Variants in NAV3 observed in about 807,000 individuals in gnomAD.
NAV3 encodes the protein pore membrane and/or filament interacting like protein 1.
Under a neutral mutation model 244.7 loss-of-function variants are expected in NAV3, and 87 were observed. The observed-to-expected ratio is 0.36, with a 90% confidence interval of 0.30 to 0.42. NAV3 has a LOEUF of 0.42. Ranked by LOEUF, NAV3 falls within the 20% of genes least tolerant of loss-of-function variation. The pLI is 1.00. For synonymous variants in NAV3, 1,126 were observed against 1,042.2 expected (o/e 1.08, Z -1.55); for missense variants, 2,663 against 2,893.3 (o/e 0.92, Z 1.83).
In NAV3 at chr12:78,151,590, G is replaced by C. The variant is rs534605859; in HGVS notation, c.4785+2671G>C. 6.6e-4 allele frequency among the ~76,000 whole-genome samples: 101 copies of C among 152,004 alleles called. 1 individual carries two copies. Among genetic ancestry groups the C allele is most frequent in the African/African-American group, 2.3e-3 (94 of 41,526 alleles). On this transcript the variant is annotated intron_variant, in intron 22 of 39. Transcript: ENST00000397909. The stretch of plus-strand genomic sequence containing the variant: ...ACATTCCAGAAATGGCAAAATTAAA[G>C]AAACAGAGAACAGATTAGTGATTGC...
intron 5 of NAV3, among the ~76,000 whole-genome samples, chr12:77,971,466 A>G (rs929898552): frequency 6.6e-6 from 1 of 152,020 alleles, no homozygotes; most frequent in African/African-American, 2.4e-5. Context: ...ATTAATACTT[A>G]TTTTTATTTA....
chr12:77,761,317 C>G (rs950662286), intron 2 of NAV3, among the ~76,000 whole-genome samples: 6 of 152,182 alleles, frequency 3.9e-5, no homozygotes, highest in African/African-American at 1.4e-4. Context: ...TTCTAAAGTG[C>G]TTGGATTACA....
chr12:78,024,730 C>A (rs1198461572), intron 9 of NAV3, among the ~76,000 whole-genome samples: 1 of 152,132 alleles, frequency 6.6e-6, no homozygotes, highest in Non-Finnish European at 1.5e-5. Context: ...GTAATCCCAG[C>A]ACTTTGGGAG....
At chr12:77,906,362 A>G (rs1190272949) in intron 1 of NAV3, among the ~76,000 whole-genome samples, 1 of 152,112 alleles carries the variant, frequency 6.6e-6, no homozygotes, top group African/African-American at 2.4e-5. Context: ...GAGCCAGCAG[A>G]TCGCCCTTAG....
At chr12:78,057,800 C>G (rs1414318382) in intron 11 of NAV3, among the ~76,000 whole-genome samples, 2 of 152,164 alleles carry the variant, frequency 1.3e-5, no homozygotes, top group African/African-American at 2.4e-5. Context: ...GTAGTTGAAC[C>G]TAAGCAGTCT....
rs143085807 is a variant in NAV3, at chr12:77,664,177, ATATTAT to A, written c.72+91914_72+91919del. ...AAATACTTACATGAAATAGCTAATAATATTATTAATATTTAATGGAGATGTTTGGAT... is the reference window on the plus strand; with the variant it reads ...AAATACTTACATGAAATAGCTAATAATAATATTTAATGGAGATGTTTGGAT... On this transcript the variant is annotated intron_variant, in intron 2 of 8. Coordinates refer to the NAV3 transcript ENST00000550042. Among the ~76,000 whole-genome samples the A allele has an allele frequency of 8.6e-3, 1,312 of 152,352 alleles. 11 individuals carry two copies. Among genetic ancestry groups the A allele is most frequent in the African/African-American group, 0.03 (1,242 of 41,592 alleles).
chr12:77,782,477 A>G (rs1870713838), intron 2 of NAV3, among the ~76,000 whole-genome samples: 1 of 151,882 alleles, frequency 6.6e-6, no homozygotes, highest in Admixed American at 6.6e-5. Flanking sequence ...AAAATTTAAA[A>G]TTAAAAACTT....
intron 22 of NAV3, among the ~76,000 whole-genome samples, chr12:78,155,906 G>A (rs1349778160): frequency 6.6e-6 from 1 of 152,038 alleles, no homozygotes; most frequent in Non-Finnish European, 1.5e-5. Flanking sequence ...TTAGACCTTT[G>A]TCAAATGGAT....
chr12:78,075,457 T>C (rs1211664183), intron 12 of NAV3, among the ~76,000 whole-genome samples: 1 of 152,166 alleles, frequency 6.6e-6, no homozygotes, highest in East Asian at 1.9e-4. Flanking sequence ...GAGAAGTCCA[T>C]AGTTACTATG....
intron 2 of NAV3, among the ~76,000 whole-genome samples, chr12:77,646,359 C>A (rs1872604171): frequency 6.6e-6 from 1 of 152,144 alleles, no homozygotes; most frequent in Non-Finnish European, 1.5e-5. Flanking sequence ...TCCAGCCTTC[C>A]TGCTGTGAGA....
chr12:78,024,972 C>T (rs142500227), intron 9 of NAV3, among the ~76,000 whole-genome samples: 1 of 122,366 alleles, frequency 8.2e-6, no homozygotes, highest in African/African-American at 3.2e-5. Context: ...AAGACTCTGT[C>T]TCAAGAAAAA....
intron 2 of NAV3, among the ~76,000 whole-genome samples, chr12:77,712,281 C>T (rs1026375767): frequency 6.6e-6 from 1 of 152,082 alleles, no homozygotes; most frequent in African/African-American, 2.4e-5. Flanking sequence ...AAGATTCTAC[C>T]ATTTACATAG....
At chr12:78,069,410 A>C (rs144243922) in intron 12 of NAV3, among the ~76,000 whole-genome samples, 1 of 152,032 alleles carries the variant, frequency 6.6e-6, no homozygotes, top group East Asian at 1.9e-4. Flanking sequence ...CCCAAAGACA[A>C]CCAAGAATAT....
At chr12:78,040,656 G>A (rs184810020) in intron 9 of NAV3, among the ~76,000 whole-genome samples, 141 of 152,238 alleles carry the variant, frequency 9.3e-4, no homozygotes, top group African/African-American at 3.3e-3. Flanking sequence ...GGGGGAAAGG[G>A]ATAGGAACAT....
chr12:77,942,341 C>T (rs1457930219), intron 3 of NAV3, among the ~76,000 whole-genome samples: 2 of 151,484 alleles, frequency 1.3e-5, no homozygotes, highest in Admixed American at 6.6e-5. Flanking sequence ...CATTGCACTC[C>T]GGCCTGGGCA....
At chr12:77,917,932 A>C (rs1476277296) in intron 1 of NAV3, among the ~76,000 whole-genome samples, 1 of 152,062 alleles carries the variant, frequency 6.6e-6, no homozygotes, top group East Asian at 1.9e-4. Flanking sequence ...GATCCTTATA[A>C]TTGATAACTT....
At chr12:78,043,147 A>C (rs1023689822) in intron 9 of NAV3, among the ~76,000 whole-genome samples, 3 of 151,728 alleles carry the variant, frequency 2.0e-5, no homozygotes, top group Non-Finnish European at 4.4e-5. Flanking sequence ...ATGTGTTCTC[A>C]TTGTTCAACT....
chr12:77,654,708 A>G (rs1873001987), intron 2 of NAV3, among the ~76,000 whole-genome samples: 1 of 152,130 alleles, frequency 6.6e-6, no homozygotes, highest in Admixed American at 6.5e-5. Flanking sequence ...GGAACCCCCC[A>G]GTAGGGGCAG....
chr12:77,583,269 A>T (rs1312462315), intron 2 of NAV3, among the ~76,000 whole-genome samples: 3 of 152,192 alleles, frequency 2.0e-5, no homozygotes, highest in Non-Finnish European at 1.5e-5. Flanking sequence ...CAGCTGCTTG[A>T]TTAGACAATA....
Sources: allele counts gnomAD v4.1 joint callset (sites outside exome capture counted in the v4.1 genomes callset), GRCh38; gene constraint gnomAD v4.1.1; transcripts MANE v1.5; gene names NCBI Gene and HGNC (gene_info 2026-07-23, HGNC 2026-07-21).